ATG4A: variants seen among roughly 807,000 people sequenced by gnomAD.
ATG4A encodes cysteine protease ATG4A.
In ATG4A, 22 loss-of-function variants were observed where a neutral mutation model predicts 38.4. The ratio of observed to expected loss-of-function variants is 0.57; its 90% CI spans 0.41 to 0.82. The LOEUF (loss-of-function observed/expected upper bound fraction) is 0.82, where lower values mean the gene tolerates loss of function less well. ATG4A is among the 40% of genes least tolerant of loss of function. ATG4A has a pLI of 0.00. For synonymous variants in ATG4A, 86 were observed against 100.7 expected (o/e 0.85, Z 0.88); for missense variants, 220 against 290.0 (o/e 0.76, Z 1.75).
upstream of ATG4A, chrX:108,091,547 C>T: frequency 8.5e-7 from 1 of 1,175,975 alleles, no homozygotes; most frequent in Non-Finnish European, 1.2e-6. Context: ...CTACTTGTCG[C>T]GCGAGCAACG....
chrX:108,152,286 G>A (rs2033610193), intron 11 of ATG4A, among the ~76,000 whole-genome samples: 1 of 111,511 alleles, frequency 9.0e-6, no homozygotes, highest in Admixed American at 9.5e-5. Flanking sequence ...CCAGGCTGGA[G>A]TGCAGTGGCG....
chrX:108,153,877 C>A lies in ATG4A; in HGVS notation c.*165C>A. The stretch of plus-strand genomic sequence containing the variant: ...ATCACTGTTTCTCAGAAAAACAAAA[C>A]AAAACAAAACAAATGACAGTAACCC... On this transcript the variant is annotated 3_prime_UTR_variant, in exon 13 of 13. Coordinates refer to ENST00000372232, the MANE Select transcript of ATG4A (RefSeq NM_052936.5). 2.4e-6 allele frequency: 1 copy of A among 411,679 alleles called. No homozygotes were observed. The highest frequency in any genetic ancestry group is 4.2e-6 in the Non-Finnish European group (1 of 236,567). 33.9% of individuals were successfully genotyped at this position (411,679 alleles called of 1,213,427 possible). A position where few individuals can be genotyped will look rare whatever the true frequency, so the allele number is the denominator to read the frequency against.
At chrX:108,134,027 G>A in intron 4 of ATG4A, 30 bp from the exon 5 acceptor site, 1 of 1,096,166 alleles carries the variant, frequency 9.1e-7, no homozygotes, top group South Asian at 2.0e-5. Context: ...TTATAAAAAT[G>A]TTTCTAACCC....
chrX:108,148,909 C>A (rs2033507673), intron 9 of ATG4A, among the ~76,000 whole-genome samples: 1 of 112,284 alleles, frequency 8.9e-6, no homozygotes, highest in Non-Finnish European at 1.9e-5. Context: ...TAAAATATTT[C>A]TCTGGCCACT....
At chrX:108,089,603 G>A (rs1177872159), upstream of ATG4A, among the ~76,000 whole-genome samples, 4 of 111,864 alleles carry the variant, frequency 3.6e-5, no homozygotes, top group Non-Finnish European at 7.5e-5. Flanking sequence ...GGAGGCTGAG[G>A]TGGGCAGATC....
At chrX:108,141,251 C>T (rs972904549) in intron 9 of ATG4A, among the ~76,000 whole-genome samples, 7 of 104,571 alleles carry the variant, frequency 6.7e-5, no homozygotes, top group Non-Finnish European at 1.2e-4. Context: ...TCTATCCCTG[C>T]CACCATGGCC....
At chrX:108,119,593 T>C (rs1478685350) in intron 1 of ATG4A, among the ~76,000 whole-genome samples, 1 of 111,838 alleles carries the variant, frequency 8.9e-6, no homozygotes, top group Non-Finnish European at 1.9e-5. Context: ...AATTAGGATG[T>C]GCTGTTTGAA....
At chrX:108,141,071 C>CGT (rs2033266905) in intron 9 of ATG4A, among the ~76,000 whole-genome samples, 6 of 35,047 alleles carry the variant, frequency 1.7e-4, no homozygotes, top group East Asian at 8.4e-4. Context: ...TATATATATA[C>CGT]ATATATATAT....
chrX:108,108,324 C>T (rs1167388596), intron 1 of ATG4A, among the ~76,000 whole-genome samples: 3 of 108,197 alleles, frequency 2.8e-5, no homozygotes, highest in Non-Finnish European at 5.7e-5. Context: ...AGCCACCTGC[C>T]TCCTTCTATT....
chrX:108,113,970 A>G (rs746327440), intron 1 of ATG4A, among the ~76,000 whole-genome samples: 69 of 112,331 alleles, frequency 6.1e-4, no homozygotes, highest in African/African-American at 2.2e-3. Flanking sequence ...AGGGAACTAA[A>G]TCTAGAACTT....
chrX:108,120,702 A>G (rs765181912), intron 1 of ATG4A, among the ~76,000 whole-genome samples: 28 of 111,957 alleles, frequency 2.5e-4, no homozygotes, highest in Non-Finnish European at 4.5e-4. Flanking sequence ...TAATTTTTCT[A>G]GCTGAAAACC....
chrX:108,094,854 T>C (rs1165579251), intron 1 of ATG4A, among the ~76,000 whole-genome samples: 3 of 112,862 alleles, frequency 2.7e-5, no homozygotes, highest in Non-Finnish European at 3.7e-5. Context: ...TTGCACTTGC[T>C]TCAGGGTTCA....
intron 1 of ATG4A, among the ~76,000 whole-genome samples, chrX:108,117,687 A>T (rs1458924552): frequency 1.8e-5 from 2 of 112,156 alleles, no homozygotes; most frequent in Non-Finnish European, 3.8e-5. Flanking sequence ...TTGGAAGCCC[A>T]TGGAAGATGT....
rs774704195 is a variant in ATG4A at position 108,132,578 on chromosome X, C to T, written c.292+1220C>T. Among the ~76,000 whole-genome samples, 17 of 110,414 alleles carry T rather than the reference C, an allele frequency of 1.5e-4. No homozygotes were observed. In the South Asian group the frequency reaches 3.1e-3, roughly 20 times the overall value. On this transcript the variant is annotated intron_variant, in intron 4 of 12. Transcript: ENST00000372232. Reference sequence around the variant, plus strand: ...ATTTCCATTTTACAGATGAGGAAACCGAGGCTCAGGGAAGTGATGTGATTT... The same window carrying T: ...ATTTCCATTTTACAGATGAGGAAACTGAGGCTCAGGGAAGTGATGTGATTT...
upstream of ATG4A, among the ~76,000 whole-genome samples, chrX:108,089,367 C>CT (rs1444053779): frequency 9.0e-6 from 1 of 111,731 alleles, no homozygotes; most frequent in Non-Finnish European, 1.9e-5. Flanking sequence ...GAAATCTCTA[C>CT]TACCACACTG....
chrX:108,116,252 T>A (rs748213037), intron 1 of ATG4A, among the ~76,000 whole-genome samples: 1 of 112,519 alleles, frequency 8.9e-6, no homozygotes, highest in Non-Finnish European at 1.9e-5. Flanking sequence ...GGCAGTATAC[T>A]TTTACATTAC....
At chrX:108,136,971 C>A in intron 6 of ATG4A, 120 bp from the exon 7 acceptor site, 1 of 531,763 alleles carries the variant, frequency 1.9e-6, no homozygotes, top group East Asian at 4.6e-5. Context: ...CTGACCTGAA[C>A]ACCAGCTTTT....
Position 108,151,825 on chromosome X carries a change from A to G in ATG4A, c.984A>G (p.Lys328=). Residue 328 remains lysine, a synonymous_variant, in exon 11 of 13, where the codon AAA becomes AAG. Coordinates refer to ENST00000372232, the MANE Select transcript of ATG4A (RefSeq NM_052936.5). ...VALGFFCKEE[K]DFDNWCSLVQ... ...AGGGATTTTTCTGCAAAGAAGAAAA[A>G]GACTTTGATAACTGGTGTAGCCTTG... 2.5e-6 allele frequency: 3 copies of G among 1,209,537 alleles called. No individual in the cohort carries two copies. Among genetic ancestry groups the G allele is most frequent in the Non-Finnish European group, 3.4e-6 (3 of 893,776 alleles).
intron 1 of ATG4A, among the ~76,000 whole-genome samples, chrX:108,109,892 A>G (rs2032307523): frequency 9.0e-6 from 1 of 111,598 alleles, no homozygotes; most frequent in African/African-American, 3.3e-5. Context: ...TTCTTTTGAA[A>G]TTGGGAAGTT....
Sources: gnomAD v4.1 joint callset for allele counts (sites outside exome capture counted in the v4.1 genomes callset) on GRCh38, gnomAD v4.1.1 for gene constraint, MANE v1.5 for transcripts, NCBI Gene and HGNC (gene_info 2026-07-23, HGNC 2026-07-21) for gene names.